DOCK3: variants seen among roughly 807,000 people sequenced by gnomAD.
The protein encoded by DOCK3 is dedicator of cytokinesis protein 3.
DOCK3 carries 60 observed loss-of-function variants against 265.6 expected under a neutral mutation model. The observed-to-expected ratio is 0.23, with a 90% CI of 0.18 to 0.28. The LOEUF (loss-of-function observed/expected upper bound fraction) is 0.28, where lower values mean the gene tolerates loss of function less well. DOCK3 is among the 10% of genes least tolerant of loss of function. The pLI, the probability that DOCK3 is intolerant of heterozygous loss-of-function variation, is 1.00. For missense variants in DOCK3, 1,981 were observed against 2,594.3 expected, an observed-to-expected ratio of 0.76 and a Z score of 5.14; for synonymous variants, 881 against 938.0, an observed-to-expected ratio of 0.94 and a Z score of 1.11.
chr3:50,977,973 G>A (rs1464455279), intron 5 of DOCK3, among the ~76,000 whole-genome samples: 6 of 151,928 alleles, frequency 3.9e-5, no homozygotes, highest in African/African-American at 1.5e-4. Context: ...CGTTGTTCTC[G>A]AGCCTTGGTT....
intron 41 of DOCK3, among the ~76,000 whole-genome samples, chr3:51,355,573 C>A (rs2086307547): frequency 6.6e-6 from 1 of 152,208 alleles, no homozygotes; most frequent in Admixed American, 6.5e-5. Flanking sequence ...ACCTTTCACA[C>A]ACAGCTTCCT....
At chr3:51,339,864 C>G (rs983734995) in intron 37 of DOCK3, among the ~76,000 whole-genome samples, 6 of 152,194 alleles carry the variant, frequency 3.9e-5, no homozygotes, top group Non-Finnish European at 8.8e-5. Context: ...TGTCTGCAAA[C>G]GCTACTGCAA....
chr3:51,319,344 C>T (rs1397516740), intron 32 of DOCK3, among the ~76,000 whole-genome samples: 2 of 150,460 alleles, frequency 1.3e-5, no homozygotes, highest in Non-Finnish European at 2.9e-5. Context: ...TGTTACTTTT[C>T]TGTATTGTTA....
At chr3:51,335,380 G>T (rs562180156) in intron 35 of DOCK3, among the ~76,000 whole-genome samples, 4 of 152,174 alleles carry the variant, frequency 2.6e-5, no homozygotes, top group Non-Finnish European at 4.4e-5. Flanking sequence ...TTCCCTTCAG[G>T]TTTCTCTGTA....
intron 9 of DOCK3, among the ~76,000 whole-genome samples, chr3:51,124,602 T>G (rs1335969716): frequency 1.3e-5 from 2 of 152,206 alleles, no homozygotes; most frequent in Admixed American, 6.5e-5. Context: ...GAGAGTTCTT[T>G]GAAGTCTGGG....
intron 4 of DOCK3, among the ~76,000 whole-genome samples, chr3:50,927,855 GAA>G (rs2050845444): frequency 6.6e-6 from 1 of 151,890 alleles, no homozygotes; most frequent in Non-Finnish European, 1.5e-5. Flanking sequence ...AACAGAGAAG[GAA>G]AAAAATAATC....
chr3:51,140,623 G>A (rs924861329), intron 9 of DOCK3, among the ~76,000 whole-genome samples: 2 of 152,110 alleles, frequency 1.3e-5, no homozygotes, highest in African/African-American at 4.8e-5. Context: ...CCTAGGAGTA[G>A]AATTTCTGGG....
chr3:50,994,024 G>A (rs2078197008), intron 5 of DOCK3, among the ~76,000 whole-genome samples: 1 of 151,904 alleles, frequency 6.6e-6, no homozygotes, highest in Admixed American at 6.6e-5. Context: ...GAGTCTGCAG[G>A]GAACCACAAA....
At chr3:50,786,629 A>G in intron 2 of DOCK3, 1 of 585,976 alleles carries the variant, frequency 1.7e-6, no homozygotes, top group Non-Finnish European at 3.3e-6. Flanking sequence ...TCTGGCCTTT[A>G]TGATTTAAAG....
chr3:50,871,126 C>T (rs148815444), intron 3 of DOCK3, among the ~76,000 whole-genome samples: 1 of 152,120 alleles, frequency 6.6e-6, no homozygotes, highest in East Asian at 1.9e-4. Flanking sequence ...GATGATTACT[C>T]GTTGCTTGTC....
chr3:51,335,747 T>C (rs1252811832), intron 35 of DOCK3, among the ~76,000 whole-genome samples: 1 of 152,174 alleles, frequency 6.6e-6, no homozygotes, highest in Non-Finnish European at 1.5e-5. Context: ...ATCCCAGCAC[T>C]GTGGGAGACC....
chr3:50,896,924 T>C (rs2048920744), intron 4 of DOCK3, among the ~76,000 whole-genome samples: 1 of 152,222 alleles, frequency 6.6e-6, no homozygotes, highest in African/African-American at 2.4e-5. Context: ...GGTAGTGTGA[T>C]GCCTCCAGCT....
intron 2 of DOCK3, among the ~76,000 whole-genome samples, chr3:50,836,279 C>G (rs1043808061): frequency 3.3e-5 from 5 of 152,228 alleles, no homozygotes; most frequent in African/African-American, 1.2e-4. Context: ...CAGAGGTTCT[C>G]CATGAGGGCT....
chr3:50,979,081 T>C (rs530432243), intron 5 of DOCK3, among the ~76,000 whole-genome samples: 4 of 152,064 alleles, frequency 2.6e-5, no homozygotes, highest in Admixed American at 6.5e-5. Context: ...GTACCTCAGA[T>C]GGAAATGCAG....
rs782351460 is a variant in DOCK3 at position 51,381,293 on chromosome 3, G to A, written c.5827G>A (p.Ala1943Thr). 8 of 1,613,594 alleles carry A rather than the reference G, an allele frequency of 5.0e-6. No individual in the cohort carries two copies. In the Admixed American group the frequency reaches 1.3e-4, roughly 27 times the overall value. Residue 1943 changes from alanine (A) to threonine (T), a missense_variant, in exon 53 of 53, where the codon GCC becomes ACC. Ala to Thr is a moderately conservative substitution (Grantham distance 58). This residue lies in a region of DOCK3 where 149 missense variants were observed against 144.7 expected (regional missense o/e 1.03). Transcript: ENST00000266037. The surrounding 1 kb of genome is among the most constrained non-coding windows in gnomAD (Gnocchi z 5.6). Reference protein sequence around the residue: ...LPVHYSLSESAVLDSIKAQPC... With the variant: ...LPVHYSLSESTVLDSIKAQPC... ...TGTCCACTACAGCCTCTCTGAGTCT[G>A]CCGTCCTGGACTCCATCAAGGCCCA...
intron 4 of DOCK3, among the ~76,000 whole-genome samples, chr3:50,918,637 T>C (rs528491282): frequency 2.0e-5 from 3 of 152,226 alleles, no homozygotes; most frequent in Non-Finnish European, 4.4e-5. Flanking sequence ...TTTGTTTAAG[T>C]TCTTTGTAGA....
chr3:51,123,179 A>G (rs1481356910), intron 9 of DOCK3, among the ~76,000 whole-genome samples: 1 of 152,088 alleles, frequency 6.6e-6, no homozygotes, highest in African/African-American at 2.4e-5. Context: ...CCCATGGTCC[A>G]TCTCCACCCA....
intron 2 of DOCK3, among the ~76,000 whole-genome samples, chr3:50,820,634 T>C (rs1452284314): frequency 6.6e-6 from 1 of 152,168 alleles, no homozygotes; most frequent in African/African-American, 2.4e-5. Flanking sequence ...GTGATAAACA[T>C]GCAAGTACGT....
At chr3:51,344,963 A>G (rs927562448) in intron 38 of DOCK3, among the ~76,000 whole-genome samples, 4 of 152,234 alleles carry the variant, frequency 2.6e-5, no homozygotes, top group Admixed American at 1.3e-4. Context: ...ATAGATGAGC[A>G]TTGATCCCAA....
Sources: allele counts gnomAD v4.1 joint callset (sites outside exome capture counted in the v4.1 genomes callset), GRCh38; gene constraint gnomAD v4.1.1; regional missense constraint gnomAD v4.1.1; non-coding constraint Gnocchi (gnomAD v3.1); transcripts MANE v1.5; gene names NCBI Gene and HGNC (gene_info 2026-07-23, HGNC 2026-07-21).